SPINK5: variants seen among roughly 807,000 people sequenced by gnomAD.
The protein encoded by SPINK5 is serine peptidase inhibitor Kazal type 5, also known as serine protease inhibitor Kazal-type 5.
SPINK5 carries 125 observed loss-of-function variants against 151.8 expected under a neutral mutation model. The observed-to-expected ratio is 0.82, with a 90% CI of 0.71 to 0.96. SPINK5 has a LOEUF of 0.96. Ranked by LOEUF, SPINK5 falls within the 40% of genes least tolerant of loss-of-function variation. The pLI is 0.00. For missense variants in SPINK5, 1,194 were observed against 1,291.9 expected (o/e 0.92, Z 1.16); for synonymous variants, 374 against 395.3 (o/e 0.95, Z 0.64).
chr5:148,123,060 A>C (rs1195915434), intron 26 of SPINK5, among the ~76,000 whole-genome samples: 2 of 151,848 alleles, frequency 1.3e-5, no homozygotes, highest in African/African-American at 4.8e-5. Flanking sequence ...TATTAAAATG[A>C]GATGGGACAG....
intron 28 of SPINK5, 89 bp from the exon 29 acceptor site, chr5:148,125,634 A>G: frequency 6.2e-7 from 1 of 1,614,178 alleles, no homozygotes; most frequent in South Asian, 1.1e-5. Flanking sequence ...GCCCAGAGCT[A>G]AGAGAGGACT....
At chr5:148,085,725 C>T (rs533250127) in intron 4 of SPINK5, among the ~76,000 whole-genome samples, 3 of 151,726 alleles carry the variant, frequency 2.0e-5, no homozygotes, top group Non-Finnish European at 4.4e-5. Context: ...TTTCTCCTGC[C>T]GTACCTAAAA....
At chr5:148,093,112 A>G (rs373789221) in intron 8 of SPINK5, among the ~76,000 whole-genome samples, 62 of 152,086 alleles carry the variant, frequency 4.1e-4, no homozygotes, top group African/African-American at 1.4e-3. Flanking sequence ...CGAAGGTCAC[A>G]CAGTTGAAAA....
rs1308038818 is a variant in SPINK5, at chr5:148,099,320, G to A, written c.1092+5G>A. Reference sequence around the variant, plus strand: ...GGAAAAGCAACCTCATATGCAGTGAGTGGAATCCATCCAATAAATCCTATT... The same window carrying A: ...GGAAAAGCAACCTCATATGCAGTGAATGGAATCCATCCAATAAATCCTATT... On this transcript the variant is annotated splice_donor_5th_base_variant and intron_variant, in intron 12 of 32. Coordinates refer to ENST00000256084, the MANE Select transcript of SPINK5 (RefSeq NM_006846.4). The A allele has an allele frequency of 6.2e-7, 1 of 1,611,312 alleles. No individual in the cohort carries two copies. Among genetic ancestry groups the A allele is most frequent in the Non-Finnish European group, 8.5e-7 (1 of 1,178,240 alleles).
Position 148,137,021 on chromosome 5 carries a change from A to G in SPINK5, c.*30A>G, listed in dbSNP as rs1259906084. Reference sequence around the variant, plus strand: ...AAGATTGTTGAAAGCCATGAGGGAAAAAATAAACCCCAGTTCTGAATCACC... The same window carrying G: ...AAGATTGTTGAAAGCCATGAGGGAAGAAATAAACCCCAGTTCTGAATCACC... On this transcript the variant is annotated 3_prime_UTR_variant, in exon 33 of 33. Transcript: ENST00000256084. The G allele has an allele frequency of 6.2e-7, 1 of 1,613,524 alleles. No homozygotes were observed. The highest frequency in any genetic ancestry group is 8.5e-7 in the Non-Finnish European group (1 of 1,179,544).
chr5:148,135,654 C>T (rs977883986), intron 32 of SPINK5, among the ~76,000 whole-genome samples: 1 of 151,654 alleles, frequency 6.6e-6, no homozygotes, highest in Non-Finnish European at 1.5e-5. Flanking sequence ...TGTGTGATCT[C>T]GGGTACAGTT....
At chr5:148,122,049 C>G (rs1018524205) in intron 26 of SPINK5, among the ~76,000 whole-genome samples, 1 of 151,226 alleles carries the variant, frequency 6.6e-6, no homozygotes, top group African/African-American at 2.4e-5. Context: ...ACCGTTTTAT[C>G]TACACATGCA....
chr5:148,121,311 CTT>C (rs1160155682), intron 26 of SPINK5, among the ~76,000 whole-genome samples: 1 of 113,762 alleles, frequency 8.8e-6, no homozygotes, highest in Non-Finnish European at 2.1e-5. Flanking sequence ...ACAGCACAAT[CTT>C]TTAATGCACC....
rs571172599 is a variant in SPINK5, at chr5:148,080,770, C to T, written c.283-5635C>T. 2.0e-5 allele frequency among the ~76,000 whole-genome samples: 3 copies of T among 151,342 alleles called. No homozygotes were observed. In the East Asian group the frequency reaches 5.9e-4, roughly 30 times the overall value. Reference sequence around the variant, plus strand: ...TTAGACATAAAACTAAAAGCGTAATCCATGAATACAAAATTAATAAACTGA... The same window carrying T: ...TTAGACATAAAACTAAAAGCGTAATTCATGAATACAAAATTAATAAACTGA... On this transcript the variant is annotated intron_variant, in intron 4 of 32. Transcript: ENST00000256084.
chr5:148,137,230 G>C lies in SPINK5; in HGVS notation c.*239G>C. On this transcript the variant is annotated 3_prime_UTR_variant, in exon 33 of 33. Coordinates refer to ENST00000256084, the MANE Select transcript of SPINK5 (RefSeq NM_006846.4). ...CAAGTCTGAGCCCTCAAAATGTCCT[G>C]ATTACAATGCTGTCTGTCCAACTGC... The C allele has an allele frequency of 1.7e-6, 1 of 585,756 alleles. No homozygotes were observed. The highest frequency in any genetic ancestry group is 3.0e-6 in the Non-Finnish European group (1 of 329,788). 36.3% of individuals were successfully genotyped at this position (585,756 alleles called of 1,614,324 possible). A position where few individuals can be genotyped will look rare whatever the true frequency, so the allele number is the denominator to read the frequency against.
Position 148,094,478 on chromosome 5 carries a change from T to C in SPINK5, c.791T>C (p.Ile264Thr), listed in dbSNP as rs1753403231. 2 of 1,612,170 alleles carry C rather than the reference T, an allele frequency of 1.2e-6. No individual in the cohort carries two copies. The highest frequency in any genetic ancestry group is 1.3e-5 in the African/African-American group (1 of 74,718). ...HGNKCALCAE[I>T]FKQRFSEENS... ...AACAAATGTGCCCTGTGTGCTGAAATTTTGTGAGTATAGAAGTGGTTTTTT... is the reference window on the plus strand; with the variant it reads ...AACAAATGTGCCCTGTGTGCTGAAACTTTGTGAGTATAGAAGTGGTTTTTT... The change falls in exon 9 of 33, where the codon ATT becomes ACT. Residue 264 changes from isoleucine to threonine, a missense_variant. Physicochemically the swap from Ile to Thr is moderately conservative, Grantham distance 89. Coordinates refer to ENST00000256084, the MANE Select transcript of SPINK5 (RefSeq NM_006846.4).
At chr5:148,075,725 G>T (rs1224766094) in intron 4 of SPINK5, among the ~76,000 whole-genome samples, 2 of 151,708 alleles carry the variant, frequency 1.3e-5, no homozygotes, top group African/African-American at 2.4e-5. Context: ...TTGAAAAACT[G>T]CTGACTTTAG....
rs778193022 is a variant in SPINK5, at chr5:148,127,054, A to G, written c.2939A>G (p.Asp980Gly). The G allele has an allele frequency of 5.0e-6, 8 of 1,613,656 alleles. No homozygotes were observed. The highest frequency in any genetic ancestry group is 1.1e-5 in the South Asian group (1 of 90,984). The change falls in exon 30 of 33, where the codon GAC becomes GGC. Residue 980 changes from aspartate (D) to glycine (G), a missense_variant. Asp to Gly is a moderately conservative substitution (Grantham distance 94, BLOSUM62 -1). Coordinates refer to ENST00000256084, the MANE Select transcript of SPINK5 (RefSeq NM_006846.4). ...PSHVRASQEE[D>G]SPDSFSSLDS... is the part of the protein sequence containing the mutation. ...CATGTTAGAGCTTCTCAAGAGGAAG[A>G]CAGCCCAGACTCTTTCAGTTCTCTG... is the stretch of plus-strand genomic sequence containing the variant.
chr5:148,128,682 C>T (rs989883311), intron 30 of SPINK5, among the ~76,000 whole-genome samples: 2 of 152,242 alleles, frequency 1.3e-5, no homozygotes, highest in Admixed American at 6.5e-5. Context: ...GTGCCCGCCA[C>T]CACGCTAATT....
intron 18 of SPINK5, 88 bp from the exon 19 acceptor site, chr5:148,111,680 G>A (rs1194376587): frequency 3.8e-6 from 6 of 1,592,708 alleles, no homozygotes; most frequent in Non-Finnish European, 5.2e-6. Context: ...CAATCATTAT[G>A]TTTTAGTTTT....
intron 4 of SPINK5, among the ~76,000 whole-genome samples, chr5:148,085,763 A>G (rs551523326): frequency 6.6e-6 from 1 of 152,046 alleles, no homozygotes; most frequent in East Asian, 2.0e-4. Context: ...GCTTGTCAGT[A>G]GAGAAAACAT....
At position 148,127,066 on chromosome 5, in the gene SPINK5, CTT is replaced by C. The variant is rs1754451124; in HGVS notation, c.2953_2954del (p.Phe985GlnfsTer6). 5.0e-6 allele frequency: 8 copies of C among 1,613,000 alleles called. No homozygotes were observed. The highest frequency in any genetic ancestry group is 1.6e-4 in the Middle Eastern group (1 of 6,082). ...TCTCAAGAGGAAGACAGCCCAGACT[CTT>C]TCAGTTCTCTGGTAAGGAGGACTAT... On this transcript the variant is annotated frameshift_variant, in exon 30 of 33. Transcript: ENST00000256084. LOFTEE classifies it high-confidence loss of function.
rs149110752 is a variant in SPINK5 at position 148,108,918 on chromosome 5, A to G, written c.1692+81A>G. ...GGAGGGCTCCTATTCCCTCCTCCTC[A>G]TTCCAGTATTCTTAGTTTCTTTGCA... On this transcript the variant is annotated intron_variant, in intron 18 of 32. Transcript: ENST00000256084. 1.6e-4 allele frequency: 250 copies of G among 1,587,550 alleles called. 1 individual carries two copies. The East Asian group carries it at 5.2e-3, about 33-fold the overall frequency.
chr5:148,086,606 C>T, intron 5 of SPINK5, 74 bp downstream of exon 5: 2 of 1,575,684 alleles, frequency 1.3e-6, no homozygotes, highest in African/African-American at 1.4e-5. Context: ...ATTTTCCCTA[C>T]AGTCTTTAAG....
Sources: gnomAD v4.1 joint callset for allele counts (sites outside exome capture counted in the v4.1 genomes callset) on GRCh38, gnomAD v4.1.1 for gene constraint, MANE v1.5 for transcripts, NCBI Gene and HGNC (gene_info 2026-07-23, HGNC 2026-07-21) for gene names.